ZNF254: variants seen among roughly 807,000 people sequenced by gnomAD.
ZNF254 encodes zinc finger protein 254.
Under a neutral mutation model 12.4 loss-of-function variants are expected in ZNF254, and 10 were observed. That is an observed-to-expected ratio of 0.80 (90% CI 0.50 to 1.36). ZNF254 has a LOEUF of 1.36. Among genes scored for constraint, ZNF254 ranks in the 40% most tolerant of loss-of-function variants. ZNF254 has a pLI of 0.00. For missense variants in ZNF254, 996 were observed against 763.9 expected (o/e 1.30, Z -3.58); for synonymous variants, 305 against 253.4 (o/e 1.20, Z -1.93).
chr19:24,123,832 A>G (rs932365470), intron 3 of ZNF254, among the ~76,000 whole-genome samples: 1 of 152,112 alleles, frequency 6.6e-6, no homozygotes, highest in African/African-American at 2.4e-5. Context: ...TGGAATGTCT[A>G]CTTTCTTCCT....
At chr19:24,087,413 C>T in intron 1 of ZNF254, 76 bp downstream of exon 1, 1 of 1,587,006 alleles carries the variant, frequency 6.3e-7, no homozygotes, top group African/African-American at 1.3e-5. Flanking sequence ...TGTGGCGGGA[C>T]TCAGGCCTCC....
At chr19:24,063,380 C>T (rs1002396629) in intron 2 of ZNF254, among the ~76,000 whole-genome samples, 2 of 152,194 alleles carry the variant, frequency 1.3e-5, no homozygotes, top group African/African-American at 4.8e-5. Context: ...TTCTATTCTG[C>T]TTTGATAAAG....
chr19:24,035,066 T>C (rs1362973814), intron 1 of ZNF254, among the ~76,000 whole-genome samples: 1 of 152,022 alleles, frequency 6.6e-6, no homozygotes, highest in African/African-American at 2.4e-5. Context: ...GAAAAGAAGG[T>C]CAGAAAAAAA....
chr19:24,112,710 C>A (rs894775305), intron 3 of ZNF254, among the ~76,000 whole-genome samples: 2 of 151,998 alleles, frequency 1.3e-5, no homozygotes, highest in African/African-American at 2.4e-5. Context: ...CTCTTTGAAG[C>A]AATTATGAAT....
intron 1 of ZNF254, among the ~76,000 whole-genome samples, chr19:24,088,685 G>C (rs1972176670): frequency 6.6e-6 from 1 of 151,788 alleles, no homozygotes; most frequent in Admixed American, 6.6e-5. Context: ...GGCTTGCTCG[G>C]TCACCCCGGA....
In ZNF254 at chr19:24,129,348, G is replaced by A. The variant is rs1485342662; in HGVS notation, c.*1368G>A. 1 of 151,750 alleles carries A rather than the reference G, an allele frequency of 6.6e-6. No homozygotes were observed. Among genetic ancestry groups the A allele is most frequent in the African/African-American group, 2.4e-5 (1 of 41,356 alleles). The allele number at this position is 151,750 out of a possible 1,614,324, so 9.4% of individuals were successfully genotyped here. ...CATTTTTAACATATTAAATACTATTGTGAATTCAATGAAGTGTTCTTATGC... is the reference window on the plus strand; with the variant it reads ...CATTTTTAACATATTAAATACTATTATGAATTCAATGAAGTGTTCTTATGC... On this transcript the variant is annotated 3_prime_UTR_variant, in exon 4 of 4. Coordinates refer to ENST00000357002, the MANE Select transcript of ZNF254 (RefSeq NM_203282.4).
intron 2 of ZNF254, among the ~76,000 whole-genome samples, chr19:24,049,197 TATATA>T (rs1970531666): frequency 1.5e-5 from 1 of 64,548 alleles, no homozygotes; most frequent in Admixed American, 1.7e-4. Context: ...TATATATATA[TATATA>T]TATATATATA....
intron 2 of ZNF254, among the ~76,000 whole-genome samples, chr19:24,060,933 T>C (rs1389215121): frequency 6.6e-6 from 1 of 152,126 alleles, no homozygotes; most frequent in East Asian, 1.9e-4. Context: ...AACATATCCC[T>C]GAGCCCCTAA....
chr19:24,060,116 G>GC (rs1448566739), intron 2 of ZNF254, among the ~76,000 whole-genome samples: 1 of 152,116 alleles, frequency 6.6e-6, no homozygotes, highest in Non-Finnish European at 1.5e-5. Flanking sequence ...TGCCACCTGT[G>GC]CCCTGTCTAC....
intron 2 of ZNF254, among the ~76,000 whole-genome samples, chr19:24,072,889 T>G (rs1971530350): frequency 6.6e-6 from 1 of 152,190 alleles, no homozygotes; most frequent in African/African-American, 2.4e-5. Flanking sequence ...CCAGGTGATG[T>G]TACTCTCCTG....
chr19:24,089,132 A>G (rs886693545), intron 1 of ZNF254, among the ~76,000 whole-genome samples: 5 of 151,778 alleles, frequency 3.3e-5, no homozygotes, highest in Admixed American at 3.3e-4. Flanking sequence ...ATGTGCCACC[A>G]TGCCTGGCTA....
At chr19:24,117,552 G>T (rs746988506) in intron 3 of ZNF254, among the ~76,000 whole-genome samples, 1 of 152,166 alleles carries the variant, frequency 6.6e-6, no homozygotes, top group East Asian at 1.9e-4. Context: ...TCGGAAAAGC[G>T]CAGTATTAGG....
intron 1 of ZNF254, among the ~76,000 whole-genome samples, chr19:24,096,840 A>G (rs1972699535): frequency 6.6e-6 from 1 of 152,180 alleles, no homozygotes; most frequent in Admixed American, 6.6e-5. Flanking sequence ...TGAACCCATG[A>G]ATTTTATACA....
chr19:24,105,805 A>G (rs1177111602), intron 1 of ZNF254, 135 bp from the exon 2 acceptor site: 3 of 1,384,788 alleles, frequency 2.2e-6, no homozygotes, highest in East Asian at 5.7e-5. Flanking sequence ...TGTGTTGACA[A>G]TTATTTTATT....
At chr19:24,113,913 A>G (rs1973868116) in intron 3 of ZNF254, among the ~76,000 whole-genome samples, 1 of 152,186 alleles carries the variant, frequency 6.6e-6, no homozygotes, top group Non-Finnish European at 1.5e-5. Flanking sequence ...ATCATGAGTG[A>G]ACTCCCATTC....
At chr19:24,117,494 G>A (rs879855052) in intron 3 of ZNF254, among the ~76,000 whole-genome samples, 21 of 152,170 alleles carry the variant, frequency 1.4e-4, no homozygotes, top group South Asian at 4.1e-4. Context: ...AGGACCCTCC[G>A]AGCCAGGTGC....
Position 24,127,849 on chromosome 19 carries a change from C to T in ZNF254, c.1849C>T (p.Leu617=). ...CGKAFFWSST[L]TKHKRIHTGE... ...CAAAGCATTTTTCTGGTCCTCAACC[C>T]TAACTAAACATAAGAGAATTCATAC... Residue 617 remains leucine (L), a synonymous_variant, in exon 4 of 4, where the codon CTA becomes TTA. Coordinates refer to ENST00000357002, the MANE Select transcript of ZNF254 (RefSeq NM_203282.4). 6.2e-7 allele frequency: 1 copy of T among 1,613,266 alleles called. No individual in the cohort carries two copies.
intron 2 of ZNF254, among the ~76,000 whole-genome samples, chr19:24,075,072 G>C (rs1487607548): frequency 6.6e-6 from 1 of 152,160 alleles, no homozygotes; most frequent in Non-Finnish European, 1.5e-5. Flanking sequence ...CTTCTGCATG[G>C]ACTCTTTTCA....
intron 2 of ZNF254, among the ~76,000 whole-genome samples, chr19:24,061,101 ACTGTCTT>A (rs1158994989): frequency 6.6e-6 from 1 of 152,016 alleles, no homozygotes; most frequent in African/African-American, 2.4e-5. Flanking sequence ...AGGTGAAGGT[ACTGTCTT>A]CTCCTGCCTG....
Sources: allele counts gnomAD v4.1 joint callset (sites outside exome capture counted in the v4.1 genomes callset), GRCh38; gene constraint gnomAD v4.1.1; transcripts MANE v1.5; gene names NCBI Gene and HGNC (gene_info 2026-07-23, HGNC 2026-07-21).